FAM53A: variants seen among roughly 807,000 people sequenced by gnomAD.
FAM53A encodes protein FAM53A.
In FAM53A, 28 loss-of-function variants were observed where a neutral mutation model predicts 26.6. That is an observed-to-expected ratio of 1.05 (90% CI 0.78 to 1.45). The LOEUF (loss-of-function observed/expected upper bound fraction) is 1.45. Among genes scored for constraint, FAM53A ranks in the 40% most tolerant of loss-of-function variants. The pLI, the probability that FAM53A is intolerant of heterozygous loss-of-function variation, is 0.00. For synonymous variants in FAM53A, 290 were observed against 253.1 expected (o/e 1.15, Z -1.38); for missense variants, 650 against 575.8 (o/e 1.13, Z -1.32).
At chr4:1,626,420 C>T (rs746950584) in intron 1 of FAM53A, among the ~76,000 whole-genome samples, 1 of 152,238 alleles carries the variant, frequency 6.6e-6, no homozygotes, top group Non-Finnish European at 1.5e-5. Flanking sequence ...GGAAGAACCC[C>T]GATCACCAGA....
the FAM53A span, among the ~76,000 whole-genome samples, chr4:1,585,272 CTCTCT>C: frequency 1.7e-5 from 2 of 119,872 alleles, no homozygotes; most frequent in African/African-American, 6.0e-5. Context: ...CTCTCTCTCT[CTCTCT>C]TTTTTTTTTT....
intron 2 of FAM53A, among the ~76,000 whole-genome samples, chr4:1,658,487 G>C (rs552337914): frequency 6.6e-6 from 1 of 152,306 alleles, no homozygotes; most frequent in Admixed American, 6.5e-5. Context: ...TTTCCCACCT[G>C]CAACAGCTCA....
intron 1 of FAM53A, among the ~76,000 whole-genome samples, chr4:1,671,724 G>A (rs1714674603): frequency 4.6e-5 from 7 of 152,262 alleles, no homozygotes; most frequent in Non-Finnish European, 1.5e-5. Context: ...CCTGCAAGGT[G>A]AGGGGCCAGC....
intron 4 of FAM53A, among the ~76,000 whole-genome samples, chr4:1,647,201 T>C (rs1273889558): frequency 6.6e-6 from 1 of 151,918 alleles, no homozygotes; most frequent in Non-Finnish European, 1.5e-5. Flanking sequence ...CCAGGCATGG[T>C]GGCAGGCACC....
At chr4:1,576,844 T>C in the FAM53A span, among the ~76,000 whole-genome samples, 2 of 152,112 alleles carry the variant, frequency 1.3e-5, no homozygotes, top group Non-Finnish European at 2.9e-5. Flanking sequence ...TTGTCAGACA[T>C]CAGACTTCAC....
the FAM53A span, among the ~76,000 whole-genome samples, chr4:1,591,021 T>C: frequency 5.6e-5 from 8 of 141,736 alleles, no homozygotes; most frequent in East Asian, 1.0e-3. Flanking sequence ...ATGTTCTTGG[T>C]CTGTTGTTCT....
At chr4:1,623,354 C>T (rs28453191) in intron 1 of FAM53A, among the ~76,000 whole-genome samples, 10 of 151,730 alleles carry the variant, frequency 6.6e-5, no homozygotes, top group African/African-American at 2.4e-4. Context: ...ACCGCAGCCC[C>T]GGGAGAGGAG....
chr4:1,594,093 C>T, the FAM53A span, among the ~76,000 whole-genome samples: 2 of 152,176 alleles, frequency 1.3e-5, no homozygotes, highest in African/African-American at 4.8e-5. Context: ...GCCCCAGGTC[C>T]CCCCAGGCTG....
chr4:1,633,723 G>A (rs560517908), intron 1 of FAM53A, among the ~76,000 whole-genome samples: 2 of 152,172 alleles, frequency 1.3e-5, no homozygotes, highest in East Asian at 3.9e-4. Context: ...AAGGGAGCCC[G>A]GGACCGAGAG....
chr4:1,626,446 G>A (rs1328441132), intron 1 of FAM53A, among the ~76,000 whole-genome samples: 3 of 152,220 alleles, frequency 2.0e-5, no homozygotes, highest in Non-Finnish European at 2.9e-5. Flanking sequence ...CGGGGAAGTC[G>A]GGGAGGACCC....
downstream of FAM53A, among the ~76,000 whole-genome samples, chr4:1,639,104 C>A (rs1054198554): frequency 3.3e-5 from 5 of 152,134 alleles, no homozygotes; most frequent in Non-Finnish European, 5.9e-5. Context: ...GGGACCCTGG[C>A]AGGCCTGACA....
the FAM53A span, among the ~76,000 whole-genome samples, chr4:1,599,173 C>T: frequency 2.7e-5 from 4 of 150,160 alleles, no homozygotes; most frequent in African/African-American, 1.0e-4. The surrounding 1 kb of genome is among the most constrained non-coding windows in gnomAD (Gnocchi z 6.1). Flanking sequence ...GGGCCGTCGG[C>T]TCCAACCCCG....
At chr4:1,585,272 CTCTCTTTTT>C in the FAM53A span, among the ~76,000 whole-genome samples, 1 of 119,870 alleles carries the variant, frequency 8.3e-6, no homozygotes, top group Admixed American at 9.0e-5. Context: ...CTCTCTCTCT[CTCTCTTTTT>C]TTTTTTTTTT....
chr4:1,649,177 G>A (rs28736454), intron 4 of FAM53A, among the ~76,000 whole-genome samples: 1 of 92,508 alleles, frequency 1.1e-5, no homozygotes, highest in Non-Finnish European at 2.2e-5. Flanking sequence ...GAAAGGGAAA[G>A]GGAAGGGGAA....
rs141596386 is a variant in FAM53A at position 1,669,803 on chromosome 4, G to A, written c.-164-898C>T. Among the ~76,000 whole-genome samples, 167 of 152,290 alleles carry A rather than the reference G, an allele frequency of 1.1e-3. 3 individuals are homozygous for A. Among genetic ancestry groups the A allele is most frequent in the Admixed American group, 0.011 (161 of 15,300 alleles). ...TGATACGGCACCTCCATGAACACCA[G>A]GACACCCTCAAAAAGGAACTTCCAG... On this transcript the variant is annotated intron_variant, in intron 1 of 4. Transcript: ENST00000308132.
chr4:1,620,024 A>G (rs1420153500), intron 1 of FAM53A, among the ~76,000 whole-genome samples: 2 of 151,788 alleles, frequency 1.3e-5, no homozygotes, highest in Non-Finnish European at 2.9e-5. Flanking sequence ...CCTGGCCAAT[A>G]TGGTGAAACC....
At chr4:1,623,357 G>A (rs1176222388) in intron 1 of FAM53A, among the ~76,000 whole-genome samples, 1 of 152,212 alleles carries the variant, frequency 6.6e-6, no homozygotes, top group Non-Finnish European at 1.5e-5. Context: ...GCAGCCCCGG[G>A]AGAGGAGGCT....
chr4:1,592,737 G>T, the FAM53A span, among the ~76,000 whole-genome samples: 43 of 152,162 alleles, frequency 2.8e-4, no homozygotes, highest in African/African-American at 1.0e-3. Flanking sequence ...GGAGCAGGAG[G>T]GAACAGAGTT....
At chr4:1,670,294 G>T (rs1714543048) in intron 1 of FAM53A, among the ~76,000 whole-genome samples, 2 of 152,256 alleles carry the variant, frequency 1.3e-5, no homozygotes, top group South Asian at 4.1e-4. Context: ...AAACCAACAT[G>T]CACTTCCCTA....
Sources: gnomAD v4.1 joint callset for allele counts (sites outside exome capture counted in the v4.1 genomes callset) on GRCh38, gnomAD v4.1.1 for gene constraint, Gnocchi (gnomAD v3.1) non-coding constraint, MANE v1.5 for transcripts, NCBI Gene and HGNC (gene_info 2026-07-23, HGNC 2026-07-21) for gene names.